CLTC: variants seen among roughly 807,000 people sequenced by gnomAD.
The protein encoded by CLTC is clathrin heavy chain 1.
CLTC carries 16 observed loss-of-function variants against 195.8 expected under a neutral mutation model. The ratio of observed to expected loss-of-function variants is 0.08; its 90% confidence interval spans 0.06 to 0.12. CLTC has a LOEUF of 0.12. Ranked by LOEUF, CLTC falls within the 10% of genes least tolerant of loss-of-function variation. CLTC has a pLI of 1.00. For synonymous variants in CLTC, 667 were observed against 689.4 expected (o/e 0.97, Z 0.51); for missense variants, 796 against 2,027.0 (o/e 0.39, Z 11.66).
intron 18 of CLTC, 122 bp from the exon 19 acceptor site, chr17:59,680,790 T>G: frequency 2.9e-6 from 2 of 684,500 alleles, no homozygotes; most frequent in Non-Finnish European, 4.9e-6. Flanking sequence ...TATGTAAATT[T>G]AAAGGTCTTT....
At chr17:59,639,086 C>T (rs1001443864) in intron 1 of CLTC, among the ~76,000 whole-genome samples, 1 of 152,106 alleles carries the variant, frequency 6.6e-6, no homozygotes, top group African/African-American at 2.4e-5. Context: ...AGACCAAAAT[C>T]GAATCTGGAA....
At position 59,648,501 on chromosome 17, in the gene CLTC, G is replaced by T; in HGVS notation, c.681+100G>T. 9.0e-7 allele frequency: 1 copy of T among 1,110,086 alleles called. No homozygotes were observed. Among genetic ancestry groups the T allele is most frequent in the Non-Finnish European group, 1.3e-6 (1 of 771,336 alleles). 68.8% of individuals were successfully genotyped at this position (1,110,086 alleles called of 1,614,324 possible). A position where few individuals can be genotyped will look rare whatever the true frequency, so the allele number is the denominator to read the frequency against. On this transcript the variant is annotated intron_variant, in intron 4 of 31. Transcript: ENST00000269122. The surrounding 1 kb of genome is among the most constrained non-coding windows in gnomAD (Gnocchi z 4.5). The stretch of plus-strand genomic sequence containing the variant: ...TCAAAATAGCCTTCTCCCTTCCTAA[G>T]TAATTTTAGTATTCACATTTGTGGT...
chr17:59,624,121 A>G (rs2031469147), intron 1 of CLTC, among the ~76,000 whole-genome samples: 1 of 152,234 alleles, frequency 6.6e-6, no homozygotes. Flanking sequence ...TATGTGCTGT[A>G]AATTTGGCTA....
chr17:59,673,110 T>C lies in CLTC; in HGVS notation c.2293-537T>C, dbSNP rs540486976. ...TCTTTAAATGCTGGGTTTTTTTTTTTGTAGGGGGTGGGTTTTCTTATGGCC... is the reference window on the plus strand; with the variant it reads ...TCTTTAAATGCTGGGTTTTTTTTTTCGTAGGGGGTGGGTTTTCTTATGGCC... On this transcript the variant is annotated intron_variant, in intron 14 of 31. Transcript: ENST00000269122. Among the ~76,000 whole-genome samples the C allele has an allele frequency of 5.0e-3, 735 of 146,590 alleles. 8 individuals are homozygous for C. The highest frequency in any genetic ancestry group is 0.018 in the African/African-American group (713 of 40,228).
At chr17:59,692,308 C>T (rs142884071) in intron 31 of CLTC, among the ~76,000 whole-genome samples, 1,463 of 107,646 alleles carry the variant, frequency 0.014, 12 homozygotes, top group African/African-American at 0.03. Context: ...AGCGAGACTC[C>T]GTCTCAAAAA....
chr17:59,622,348 C>T (rs532592105), intron 1 of CLTC, among the ~76,000 whole-genome samples: 1 of 152,220 alleles, frequency 6.6e-6, no homozygotes, highest in African/African-American at 2.4e-5. Flanking sequence ...AATATATCTC[C>T]TAACTTCATA....
Position 59,694,700 on chromosome 17 carries a change from G to T in CLTC, c.*848G>T, listed in dbSNP as rs1340499808. On this transcript the variant is annotated 3_prime_UTR_variant, in exon 32 of 32. Transcript: ENST00000269122. ...AGAGAAATTCAAACAAAATATTGCT[G>T]TTCTTCAGTTTTGTTTGTGGAATTT... is the stretch of plus-strand genomic sequence containing the variant. The T allele has an allele frequency of 4.4e-6, 1 of 225,280 alleles. No homozygotes were observed. Among genetic ancestry groups the T allele is most frequent in the Admixed American group, 5.7e-5 (1 of 17,538 alleles). 14.0% of individuals were successfully genotyped at this position (225,280 alleles called of 1,614,324 possible).
At chr17:59,625,156 CT>C (rs2031509168) in intron 1 of CLTC, among the ~76,000 whole-genome samples, 2 of 151,598 alleles carry the variant, frequency 1.3e-5, no homozygotes, top group African/African-American at 2.4e-5. Context: ...TGTCGCCAGG[CT>C]GGAGTGCAAT....
chr17:59,681,439 C>T lies in CLTC; in HGVS notation c.3210C>T (p.Ala1070=), dbSNP rs144386116. Residue 1070 remains alanine, a synonymous_variant, in exon 20 of 32, where the codon GCC becomes GCT. Coordinates refer to ENST00000269122, the MANE Select transcript of CLTC (RefSeq NM_004859.4). This position sits in a 1 kb window ranked among gnomAD's most constrained non-coding sequence, Gnocchi z 5.0. The part of the protein sequence containing the change: ...ISNELFEEAF[A]IFRKFDVNTS... ...ATGAGCTGTTTGAAGAAGCATTTGC[C>T]ATTTTCCGGAAATTTGATGTCAATA... 6.2e-7 allele frequency: 1 copy of T among 1,613,982 alleles called. No individual in the cohort carries two copies. The highest frequency in any genetic ancestry group is 1.1e-5 in the South Asian group (1 of 91,068).
At position 59,648,103 on chromosome 17, in the gene CLTC, A is replaced by G. The variant is rs959125143; in HGVS notation, c.520-137A>G. On this transcript the variant is annotated intron_variant, in intron 3 of 31. Transcript: ENST00000269122. The surrounding 1 kb of genome is among the most constrained non-coding windows in gnomAD (Gnocchi z 4.5). ...TTTTAAGTTAAGAAGTATCAAATCT[A>G]CAGTGAGAGATGAAGTGACAAATAA... The G allele has an allele frequency of 5.0e-6, 4 of 808,018 alleles. No individual in the cohort carries two copies. The highest frequency in any genetic ancestry group is 7.7e-6 in the Non-Finnish European group (4 of 521,884). 50.1% of individuals were successfully genotyped at this position (808,018 alleles called of 1,614,324 possible).
intron 14 of CLTC, among the ~76,000 whole-genome samples, chr17:59,669,699 T>C (rs1205073975): frequency 7.0e-6 from 1 of 142,718 alleles, no homozygotes; most frequent in African/African-American, 2.6e-5. Context: ...GCTCTCTCAC[T>C]GCCTATTATG....
intron 6 of CLTC, among the ~76,000 whole-genome samples, chr17:59,658,202 CAAA>C (rs889791148): frequency 6.7e-6 from 1 of 148,722 alleles, no homozygotes; most frequent in South Asian, 2.1e-4. Flanking sequence ...GACTCCGTCT[CAAA>C]AAAAAAAAGA....
chr17:59,630,871 A>G (rs2031691953), intron 1 of CLTC, among the ~76,000 whole-genome samples: 1 of 152,146 alleles, frequency 6.6e-6, no homozygotes, highest in Non-Finnish European at 1.5e-5. Context: ...ATTCATGTAC[A>G]AGTTTTTGTT....
At position 59,673,406 on chromosome 17, in the gene CLTC, T is replaced by C. The variant is rs141697698; in HGVS notation, c.2293-241T>C. On this transcript the variant is annotated intron_variant, in intron 14 of 31. Transcript: ENST00000269122. ...TATCTTAATTTGTTACTCTTGTTTTTTGGTAAAGGGTGTGTATGGGAAAGA... is the reference window on the plus strand; with the variant it reads ...TATCTTAATTTGTTACTCTTGTTTTCTGGTAAAGGGTGTGTATGGGAAAGA... 2.2e-3 allele frequency among the ~76,000 whole-genome samples: 334 copies of C among 152,280 alleles called. 3 individuals carry two copies. Among genetic ancestry groups the C allele is most frequent in the African/African-American group, 7.6e-3 (317 of 41,560 alleles).
At chr17:59,633,215 G>C (rs535552374) in intron 1 of CLTC, among the ~76,000 whole-genome samples, 1 of 152,296 alleles carries the variant, frequency 6.6e-6, no homozygotes, top group Non-Finnish European at 1.5e-5. Context: ...TCCAGGCTGG[G>C]TGCAGTGGCT....
At chr17:59,693,499 C>T (rs2033356675) in intron 31 of CLTC, among the ~76,000 whole-genome samples, 2 of 151,830 alleles carry the variant, frequency 1.3e-5, no homozygotes, top group Non-Finnish European at 2.9e-5. Context: ...CAGTCATAAG[C>T]AGTTCTGGCC....
Position 59,682,157 on chromosome 17 carries a change from T to C in CLTC, c.3443-114T>C. ...AAGTGAAATATTGCACGGTTTACAT[T>C]TGTCATTATCCATGTTTCCTTGAAA... is the stretch of plus-strand genomic sequence containing the variant. On this transcript the variant is annotated intron_variant, in intron 21 of 31. Transcript: ENST00000269122. The surrounding 1 kb of genome is among the most constrained non-coding windows in gnomAD (Gnocchi z 6.8). 2.0e-6 allele frequency: 2 copies of C among 982,458 alleles called. No homozygotes were observed. Among genetic ancestry groups the C allele is most frequent in the East Asian group, 5.0e-5 (2 of 39,742 alleles). The allele number at this position is 982,458 out of a possible 1,614,324, so 60.9% of individuals were successfully genotyped here. A position where few individuals can be genotyped will look rare whatever the true frequency, so the allele number is the denominator to read the frequency against.
chr17:59,689,385 G>A (rs1184195899), intron 30 of CLTC: 2 of 151,994 alleles, frequency 1.3e-5, no homozygotes, highest in African/African-American at 4.8e-5. Context: ...AATCTTTTTA[G>A]GACCTGGTTT....
intron 14 of CLTC, among the ~76,000 whole-genome samples, chr17:59,669,737 T>TATATATAA (rs34143309): frequency 3.3e-5 from 5 of 151,480 alleles, no homozygotes; most frequent in African/African-American, 7.3e-5. Flanking sequence ...TATATATATA[T>TATATATAA]AATGATTCCT....
Sources: gnomAD v4.1 joint callset for allele counts (sites outside exome capture counted in the v4.1 genomes callset) on GRCh38, gnomAD v4.1.1 for gene constraint, Gnocchi (gnomAD v3.1) non-coding constraint, MANE v1.5 for transcripts, NCBI Gene and HGNC (gene_info 2026-07-23, HGNC 2026-07-21) for gene names.